MATN2: variants seen among roughly 807,000 people sequenced by gnomAD.
MATN2 encodes matrilin 2.
In MATN2, 69 loss-of-function variants were observed where a neutral mutation model predicts 103.2. The observed-to-expected ratio is 0.67, with a 90% CI of 0.55 to 0.82. The LOEUF (loss-of-function observed/expected upper bound fraction) is 0.82, where lower values mean the gene tolerates loss of function less well. Ranked by LOEUF, MATN2 falls within the 40% of genes least tolerant of loss-of-function variation. The probability of loss-of-function intolerance (pLI) is 0.00; values close to 1 mark genes in which losing one functional copy is unlikely to be tolerated. For missense variants in MATN2, 1,023 were observed against 1,211.5 expected (o/e 0.84, Z 2.31); for synonymous variants, 429 against 450.2 (o/e 0.95, Z 0.60).
intron 2 of MATN2, among the ~76,000 whole-genome samples, chr8:97,899,535 A>T (rs1818917806): frequency 6.6e-6 from 1 of 152,170 alleles, no homozygotes; most frequent in Non-Finnish European, 1.5e-5. Context: ...TCCTTGGCTC[A>T]TAGGTGGCTG....
intron 4 of MATN2, among the ~76,000 whole-genome samples, chr8:97,958,147 T>C (rs959443171): frequency 2.0e-5 from 3 of 152,238 alleles, no homozygotes; most frequent in African/African-American, 7.2e-5. Flanking sequence ...CTTCCTCCAT[T>C]ATTATAAAAG....
At chr8:97,910,229 T>C (rs1819323704) in intron 2 of MATN2, among the ~76,000 whole-genome samples, 1 of 151,956 alleles carries the variant, frequency 6.6e-6, no homozygotes, top group Admixed American at 6.6e-5. Context: ...ACCTGGCTAA[T>C]TTTTGTATTT....
intron 5 of MATN2, among the ~76,000 whole-genome samples, chr8:97,974,919 T>A (rs1273103482): frequency 1.3e-5 from 2 of 152,222 alleles, no homozygotes; most frequent in African/African-American, 4.8e-5. Flanking sequence ...CTCCCAGAAC[T>A]TCTGATCAGT....
chr8:97,970,462 T>C (rs1362224474), intron 5 of MATN2, among the ~76,000 whole-genome samples: 2 of 152,210 alleles, frequency 1.3e-5, no homozygotes, highest in African/African-American at 2.4e-5. Flanking sequence ...TTCAACACTT[T>C]CATAGCTACT....
Position 97,961,436 on chromosome 8 carries a change from C to G in MATN2, c.864C>G (p.His288Gln). ...RIQDLCAMED[H>Q]NCEQLCVNVP... ...AGGATCTGTGTGCCATGGAGGACCA[C>G]AACTGTGAGCAGCTCTGTGTGAATG... Residue 288 changes from histidine to glutamine, a missense_variant, in exon 5 of 19, where the codon CAC (histidine) becomes CAG (glutamine). By Grantham distance (24) the His-to-Gln change is conservative (BLOSUM62 0). Transcript: ENST00000254898. 6.2e-7 allele frequency: 1 copy of G among 1,613,404 alleles called. No individual in the cohort carries two copies. The highest frequency in any genetic ancestry group is 8.5e-7 in the Non-Finnish European group (1 of 1,179,604).
chr8:97,950,839 C>G (rs1400248302), intron 4 of MATN2: 1 of 152,350 alleles, frequency 6.6e-6, no homozygotes, highest in Non-Finnish European at 1.5e-5. Context: ...AGAGAGCCCA[C>G]ACACGTGGTT....
At chr8:98,020,491 T>A (rs1043769275) in intron 12 of MATN2, among the ~76,000 whole-genome samples, 11 of 152,206 alleles carry the variant, frequency 7.2e-5, no homozygotes, top group African/African-American at 1.9e-4. Flanking sequence ...ACACACACAC[T>A]GTTTATTCAT....
At chr8:97,906,172 A>G (rs548735582) in intron 2 of MATN2, among the ~76,000 whole-genome samples, 1 of 152,140 alleles carries the variant, frequency 6.6e-6, no homozygotes, top group Non-Finnish European at 1.5e-5. Flanking sequence ...GAGGGTTCCA[A>G]TTTCTCCACA....
chr8:97,926,478 C>T (rs1424192703), intron 2 of MATN2, among the ~76,000 whole-genome samples: 1 of 152,152 alleles, frequency 6.6e-6, no homozygotes, highest in Non-Finnish European at 1.5e-5. Flanking sequence ...TGATAATTTC[C>T]TAAGGGTGCC....
intron 5 of MATN2, among the ~76,000 whole-genome samples, chr8:97,964,821 TC>T: frequency 6.6e-6 from 1 of 151,726 alleles, no homozygotes; most frequent in Non-Finnish European, 1.5e-5. Context: ...GCAACCTCTG[TC>T]CCCCAGGCTC....
intron 1 of MATN2, among the ~76,000 whole-genome samples, chr8:97,872,829 C>G (rs1351564684): frequency 6.6e-6 from 1 of 151,034 alleles, no homozygotes; most frequent in Non-Finnish European, 1.5e-5. Context: ...GAGTCTCGTT[C>G]TATCGCCCAC....
In MATN2 at chr8:97,888,203, G is replaced by A. The variant is rs200952405; in HGVS notation, c.103G>A (p.Gly35Ser). 2.0e-4 allele frequency: 319 copies of A among 1,602,296 alleles called. No homozygotes were observed. In the African/African-American group the frequency reaches 3.8e-3, roughly 19 times the overall value. The change falls in exon 2 of 19, where the codon GGC (glycine) becomes AGC (serine). Residue 35 changes from glycine to serine, a missense_variant. Gly to Ser is a moderately conservative substitution (Grantham distance 56). Transcript: ENST00000254898. ...ERSRGRSISR[G>S]RHARTHPQTA... ...GTCACGTGGGAGGTCCATCTCTAGG[G>A]GCAGACACGCTCGGACCCACCCGCA... is the stretch of plus-strand genomic sequence containing the variant.
chr8:97,976,306 G>A (rs142275767), intron 5 of MATN2, among the ~76,000 whole-genome samples: 6 of 152,044 alleles, frequency 3.9e-5, no homozygotes, highest in African/African-American at 7.2e-5. Context: ...ACAGGGTTTC[G>A]CCATATTGGC....
At position 97,987,914 on chromosome 8, in the gene MATN2, A is replaced by C. The variant is rs114582182; in HGVS notation, c.1082-6566A>C. Among the ~76,000 whole-genome samples, 1,142 of 152,098 alleles carry C rather than the reference A, an allele frequency of 7.5e-3. 18 individuals carry two copies. Among genetic ancestry groups the C allele is most frequent in the African/African-American group, 0.026 (1,084 of 41,462 alleles). ...ATGTGTTTTTTTTAGAAGATTAATA[A>C]AATTGATAAATGTCTAACCAGACTA... On this transcript the variant is annotated intron_variant, in intron 6 of 18. Coordinates refer to ENST00000254898, the MANE Select transcript of MATN2 (RefSeq NM_002380.5).
At position 98,007,080 on chromosome 8, in the gene MATN2, T is replaced by C; in HGVS notation, c.1328-25T>C. On this transcript the variant is annotated intron_variant, in intron 8 of 18. Coordinates refer to ENST00000254898, the MANE Select transcript of MATN2 (RefSeq NM_002380.5). This position sits in a 1 kb window ranked among gnomAD's most constrained non-coding sequence, Gnocchi z 4.2. ...GGGTATTGCCCCCTCGGCTCCTCTA[T>C]GCTTTCGCGTGTGTGAAAATGCAGG... 1.3e-6 allele frequency: 2 copies of C among 1,588,594 alleles called. No individual in the cohort carries two copies. The highest frequency in any genetic ancestry group is 1.7e-6 in the Non-Finnish European group (2 of 1,166,552).
chr8:98,033,422 T>G, intron 17 of MATN2, 139 bp from the exon 18 acceptor site: 1 of 645,744 alleles, frequency 1.5e-6, no homozygotes, highest in Non-Finnish European at 2.7e-6. Context: ...TTCCTGGTAT[T>G]TACTGGATCT....
At chr8:97,872,070 G>A (rs527784326) in intron 1 of MATN2, among the ~76,000 whole-genome samples, 12 of 152,222 alleles carry the variant, frequency 7.9e-5, no homozygotes, top group Non-Finnish European at 1.3e-4. Flanking sequence ...GCCTAGCTCA[G>A]AATAAATGCT....
intron 4 of MATN2, among the ~76,000 whole-genome samples, chr8:97,944,629 T>G (rs2513846): frequency 0.97 from 147,914 of 152,236 alleles, 71,954 homozygotes; most frequent in Non-Finnish European, 1. Flanking sequence ...GCCCATAAGA[T>G]GGGACGGGTG....
At chr8:97,940,991 T>G (rs376424394) in intron 3 of MATN2, among the ~76,000 whole-genome samples, 1 of 151,324 alleles carries the variant, frequency 6.6e-6, no homozygotes, top group African/African-American at 2.4e-5. Context: ...AAACCCTGTC[T>G]CTACAAAAAA....
Sources: allele counts gnomAD v4.1 joint callset (sites outside exome capture counted in the v4.1 genomes callset), GRCh38; gene constraint gnomAD v4.1.1; non-coding constraint Gnocchi (gnomAD v3.1); transcripts MANE v1.5; gene names NCBI Gene and HGNC (gene_info 2026-07-23, HGNC 2026-07-21).